Variants in CNGB3 observed in about 807,000 individuals in gnomAD.
CNGB3 encodes cyclic nucleotide gated channel subunit beta 3, also known as cyclic nucleotide-gated channel beta-3.
A neutral mutation model predicts 92.8 loss-of-function variants in CNGB3; 86 were observed. The ratio of observed to expected loss-of-function variants is 0.93; its 90% CI spans 0.78 to 1.11. The LOEUF is 1.11. Among genes scored for constraint, CNGB3 ranks in the 50% least tolerant of loss-of-function variants. The pLI is 0.00. For missense variants in CNGB3, 1,026 were observed against 956.8 expected, an observed-to-expected ratio of 1.07 and a Z score of -0.95; for synonymous variants, 333 against 332.7, an observed-to-expected ratio of 1.00 and a Z score of -0.01.
At chr8:86,696,559 G>A (rs1039442021) in intron 3 of CNGB3, among the ~76,000 whole-genome samples, 1 of 152,156 alleles carries the variant, frequency 6.6e-6, no homozygotes, top group African/African-American at 2.4e-5. Context: ...TGTGTCTCCA[G>A]ACACTGTTCT....
At chr8:86,612,118 G>A (rs1822532952) in intron 13 of CNGB3, among the ~76,000 whole-genome samples, 1 of 151,924 alleles carries the variant, frequency 6.6e-6, no homozygotes, top group Admixed American at 6.6e-5. Context: ...ACCATTGTTA[G>A]ATATTATTAT....
At chr8:86,702,301 G>T (rs923250345) in intron 3 of CNGB3, among the ~76,000 whole-genome samples, 1 of 152,170 alleles carries the variant, frequency 6.6e-6, no homozygotes. Context: ...CCACTAGTGG[G>T]ACAATTCTCC....
At chr8:86,695,720 G>A (rs2131642914) in intron 3 of CNGB3, among the ~76,000 whole-genome samples, 1 of 152,122 alleles carries the variant, frequency 6.6e-6, no homozygotes, top group African/African-American at 2.4e-5. Flanking sequence ...TGATCTTTTG[G>A]GGGTGTTATA....
intron 13 of CNGB3, among the ~76,000 whole-genome samples, 175 bp downstream of exon 13, chr8:86,625,808 G>A (rs542707837): frequency 7.2e-4 from 109 of 152,264 alleles, no homozygotes; most frequent in Middle Eastern, 3.4e-3. Context: ...AGAATAAGCC[G>A]TTGGCTGAAG....
intron 4 of CNGB3, among the ~76,000 whole-genome samples, chr8:86,668,435 T>C (rs1448562172): frequency 6.6e-6 from 1 of 152,108 alleles, no homozygotes; most frequent in Non-Finnish European, 1.5e-5. Flanking sequence ...TGTATACCTA[T>C]GTAACAAACC....
Position 86,654,018 on chromosome 8 carries a change from T to G in CNGB3, c.897A>C (p.Lys299Asn). 6.3e-7 allele frequency: 1 copy of G among 1,596,066 alleles called. No individual in the cohort carries two copies. The highest frequency in any genetic ancestry group is 2.2e-5 in the East Asian group (1 of 44,740). The change falls in exon 7 of 18, where the codon AAA becomes AAC. Residue 299 changes from lysine to asparagine, a missense_variant. By Grantham distance (94) the Lys-to-Asn change is moderately conservative. Coordinates refer to ENST00000320005, the MANE Select transcript of CNGB3 (RefSeq NM_019098.5). ...ELRKHYRTSTKFQLDVASIIP... is the reference protein window; with the variant it reads ...ELRKHYRTSTNFQLDVASIIP... ...GAAATTGTTTGTCACCTACCTGAAA[T>G]TTTGTAGAAGTCCTGTAGTGTTTCC... is the stretch of plus-strand genomic sequence containing the variant.
At chr8:86,714,742 G>T (rs1161784760) in intron 3 of CNGB3, among the ~76,000 whole-genome samples, 1 of 152,100 alleles carries the variant, frequency 6.6e-6, no homozygotes, top group Admixed American at 6.5e-5. Context: ...CTAGTGGTCT[G>T]GGCAAGTTCT....
At position 86,671,092 on chromosome 8, in the gene CNGB3, T is replaced by G. The variant is rs1563749170; in HGVS notation, c.345A>C (p.Gln115His). 6.2e-7 allele frequency: 1 copy of G among 1,613,590 alleles called. No homozygotes were observed. The highest frequency in any genetic ancestry group is 8.5e-7 in the Non-Finnish European group (1 of 1,179,942). The change falls in exon 4 of 18, where the codon CAA becomes CAC. Residue 115 changes from glutamine to histidine, a missense_variant. Gln to His is a conservative substitution (Grantham distance 24, BLOSUM62 0). Coordinates refer to ENST00000320005, the MANE Select transcript of CNGB3 (RefSeq NM_019098.5). ...TAACAGGAGCTGCAGGCGGTTTGTT[T>G]TGTGGGCTAAATGAGAAAAAAAATG... is the stretch of plus-strand genomic sequence containing the variant. ...DPGKEGPNSP[Q>H]NKPPAAPVIN...
intron 13 of CNGB3, among the ~76,000 whole-genome samples, chr8:86,624,461 C>T (rs1822804856): frequency 6.6e-6 from 1 of 152,038 alleles, no homozygotes. Flanking sequence ...ACAGATCCTC[C>T]AAGCCCCTCC....
chr8:86,576,165 A>G, intron 17 of CNGB3, 35 bp from the exon 18 acceptor site: 1 of 1,596,034 alleles, frequency 6.3e-7, no homozygotes, highest in Non-Finnish European at 8.5e-7. Flanking sequence ...TGGTGTTGAA[A>G]TCGTAATTAA....
chr8:86,624,507 C>T (rs1019591570), intron 13 of CNGB3, among the ~76,000 whole-genome samples: 2 of 151,842 alleles, frequency 1.3e-5, no homozygotes, highest in Admixed American at 6.6e-5. Context: ...CCTTTTTTTT[C>T]ACTCTTCTCT....
chr8:86,576,203 T>C, intron 17 of CNGB3, 73 bp from the exon 18 acceptor site: 1 of 1,475,572 alleles, frequency 6.8e-7, no homozygotes, highest in South Asian at 1.2e-5. Flanking sequence ...TTGATTAGCA[T>C]GCAATGGCTA....
chr8:86,609,910 C>T (rs1822485765), intron 14 of CNGB3, among the ~76,000 whole-genome samples: 1 of 152,150 alleles, frequency 6.6e-6, no homozygotes, highest in Non-Finnish European at 1.5e-5. Context: ...AACCTAATAA[C>T]CTCCCCATCT....
At chr8:86,647,915 G>A in intron 7 of CNGB3, 28 bp from the exon 8 acceptor site, 3 of 1,351,454 alleles carry the variant, frequency 2.2e-6, no homozygotes, top group Non-Finnish European at 3.2e-6. Context: ...TCACAAATAT[G>A]TTGTGTTTAC....
chr8:86,594,104 C>A (rs562196926), intron 15 of CNGB3: 288 of 307,756 alleles, frequency 9.4e-4, no homozygotes, highest in South Asian at 8.3e-3. Flanking sequence ...TCGGGATTGT[C>A]CTGAAAAGTG....
chr8:86,691,982 C>G (rs1415311686), intron 3 of CNGB3, among the ~76,000 whole-genome samples: 2 of 152,072 alleles, frequency 1.3e-5, no homozygotes, highest in East Asian at 1.9e-4. Flanking sequence ...TCATTGTTGA[C>G]CAAATGATCA....
Position 86,644,667 on chromosome 8 carries a change from A to T in CNGB3, c.1010T>A (p.Phe337Tyr). The T allele has an allele frequency of 6.3e-7, 1 of 1,590,394 alleles. No individual in the cohort carries two copies. Among genetic ancestry groups the T allele is most frequent in the Admixed American group, 1.7e-5 (1 of 58,970 alleles). The change falls in exon 9 of 18, where the codon TTT becomes TAT. Residue 337 changes from phenylalanine (F) to tyrosine (Y), a missense_variant. Transcript: ENST00000320005. ...CATTATAGACTCTAGGTGATGATTA[A>T]ATTCAAAAAATGAAGTGTACTATAT... ...RMLKYTSFFE[F>Y]NHHLESIMDK...
intron 10 of CNGB3, among the ~76,000 whole-genome samples, chr8:86,641,359 G>A (rs960985095): frequency 6.6e-6 from 1 of 151,978 alleles, no homozygotes; most frequent in Admixed American, 6.6e-5. Flanking sequence ...CTATGCAGTA[G>A]CTATTTTTTT....
intron 15 of CNGB3, among the ~76,000 whole-genome samples, chr8:86,580,263 G>T (rs1325950945): frequency 6.6e-6 from 1 of 151,980 alleles, no homozygotes; most frequent in Non-Finnish European, 1.5e-5. Context: ...AAAACATGGG[G>T]ATTACAATTT....
Sources: allele counts gnomAD v4.1 joint callset (sites outside exome capture counted in the v4.1 genomes callset), GRCh38; gene constraint gnomAD v4.1.1; transcripts MANE v1.5; gene names NCBI Gene and HGNC (gene_info 2026-07-23, HGNC 2026-07-21).